NLRP14: variants seen among roughly 807,000 people sequenced by gnomAD.
NLRP14 encodes the protein NACHT, LRR and PYD domains-containing protein 14.
NLRP14 carries 105 observed loss-of-function variants against 94.7 expected under a neutral mutation model. The ratio of observed to expected loss-of-function variants is 1.11; its 90% CI spans 0.95 to 1.30. The LOEUF (loss-of-function observed/expected upper bound fraction) is 1.30. Ranked by LOEUF, NLRP14 falls within the 50% of genes most tolerant of loss-of-function variation. The probability of loss-of-function intolerance (pLI) is 0.00; values close to 1 mark genes in which losing one functional copy is unlikely to be tolerated. For missense variants in NLRP14, 1,362 were observed against 1,254.1 expected, an observed-to-expected ratio of 1.09 and a Z score of -1.30; for synonymous variants, 508 against 459.9, an observed-to-expected ratio of 1.10 and a Z score of -1.34.
At position 7,042,876 on chromosome 11, in the gene NLRP14, C is replaced by T. The variant is rs1852282327; in HGVS notation, c.850C>T (p.Pro284Ser). 4.3e-6 allele frequency: 7 copies of T among 1,614,062 alleles called. No homozygotes were observed. Among genetic ancestry groups the T allele is most frequent in the Non-Finnish European group, 5.9e-6 (7 of 1,179,994 alleles). ...ALCEDWTQEH[P>S]VSFLMSSLLR... ...GTGCGAAGACTGGACCCAAGAACAC[C>T]CAGTGTCCTTCCTCATGAGTAGTTT... Residue 284 changes from proline to serine, a missense_variant, in exon 4 of 12, where the codon CCA becomes TCA. Transcript: ENST00000299481.
chr11:7,043,713 T>C lies in NLRP14; in HGVS notation c.1687T>C (p.Cys563Arg), dbSNP rs1215411548. The C allele has an allele frequency of 1.9e-6, 3 of 1,613,992 alleles. No homozygotes were observed. The highest frequency in any genetic ancestry group is 2.5e-6 in the Non-Finnish European group (3 of 1,180,004). The change falls in exon 4 of 12, where the codon TGT (cysteine) becomes CGT (arginine). Residue 563 changes from cysteine to arginine, a missense_variant. Physicochemically the swap from Cys to Arg is radical, Grantham distance 180. Transcript: ENST00000299481. ...SLKIKSKLLQ[C>R]MEVLGNSDYS... is the part of the protein sequence containing the mutation. ...GAAGATAAAATCAAAGTTACTTCAG[T>C]GTATGGAAGTATTAGGAAACAGTGA...
At chr11:7,041,684 A>G (rs1166272395) in intron 3 of NLRP14, among the ~76,000 whole-genome samples, 1 of 152,194 alleles carries the variant, frequency 6.6e-6, no homozygotes, top group Non-Finnish European at 1.5e-5. Context: ...AAATAAAGTA[A>G]TTGTAGCTAG....
At chr11:7,089,696 C>T in the NLRP14 span, 4 of 1,516,522 alleles carry the variant, frequency 2.6e-6, no homozygotes, top group South Asian at 1.2e-5. Flanking sequence ...GCTACTCAGG[C>T]CCACCGCGCC....
chr11:7,058,339 G>A lies in NLRP14; in HGVS notation c.2522G>A (p.Ser841Asn), dbSNP rs767778872. The A allele has an allele frequency of 8.1e-6, 13 of 1,612,620 alleles. No individual in the cohort carries two copies. In the South Asian group the frequency reaches 1.3e-4, roughly 16 times the overall value. Reference protein sequence around the residue: ...GCEYLSLALISNKRLTHLCLA... With the variant: ...GCEYLSLALINNKRLTHLCLA... ...GAGTATCTTTCTTTGGCTCTCATCA[G>A]CAATAAAAGACTGACACATTTGTGC... The change falls in exon 8 of 12, where the codon AGC (serine) becomes AAC (asparagine). Residue 841 changes from serine to asparagine, a missense_variant. Coordinates refer to ENST00000299481, the MANE Select transcript of NLRP14 (RefSeq NM_176822.4).
At chr11:7,067,744 T>C (rs1001232264) in intron 10 of NLRP14, among the ~76,000 whole-genome samples, 2 of 152,214 alleles carry the variant, frequency 1.3e-5, no homozygotes, top group African/African-American at 2.4e-5. Flanking sequence ...ATTTTGTTCA[T>C]AATGGAGATA....
chr11:7,090,656 C>T, the NLRP14 span: 3 of 335,910 alleles, frequency 8.9e-6, no homozygotes, highest in South Asian at 9.0e-5. Flanking sequence ...CATCTGCTCA[C>T]CTAAAATGGA....
At chr11:7,025,340 G>A (rs1851999787) in intron 1 of NLRP14, among the ~76,000 whole-genome samples, 1 of 152,104 alleles carries the variant, frequency 6.6e-6, no homozygotes, top group Non-Finnish European at 1.5e-5. Context: ...CTAATGTAGT[G>A]AAATAAATGT....
intron 1 of NLRP14, among the ~76,000 whole-genome samples, chr11:7,038,044 T>C (rs1852185976): frequency 6.6e-6 from 1 of 152,202 alleles, no homozygotes; most frequent in Non-Finnish European, 1.5e-5. Context: ...TGGCATATTC[T>C]AATTGCATGT....
the NLRP14 span, among the ~76,000 whole-genome samples, chr11:7,083,032 A>G: frequency 4.6e-5 from 7 of 152,228 alleles, no homozygotes; most frequent in Non-Finnish European, 8.8e-5. Context: ...ACCATGAAGT[A>G]GGAAAAACAA....
chr11:7,087,624 A>C, the NLRP14 span, among the ~76,000 whole-genome samples: 16 of 152,232 alleles, frequency 1.1e-4, no homozygotes, highest in Admixed American at 3.3e-4. Context: ...GTAAATTTAT[A>C]AACTTAGCAT....
At chr11:7,032,896 C>CA (rs1852117157) in intron 1 of NLRP14, among the ~76,000 whole-genome samples, 1 of 152,176 alleles carries the variant, frequency 6.6e-6, no homozygotes. Flanking sequence ...ACCAAGTGTT[C>CA]ACTCATGTAA....
intron 2 of NLRP14, 80 bp from the exon 3 acceptor site, chr11:7,039,634 A>T: frequency 8.9e-7 from 1 of 1,124,616 alleles, no homozygotes; most frequent in Non-Finnish European, 1.4e-6. Context: ...ACTTATGTGA[A>T]TGCTGGCCTC....
chr11:7,062,534 A>G (rs750600493), intron 10 of NLRP14, 31 bp downstream of exon 10: 1 of 1,593,264 alleles, frequency 6.3e-7, no homozygotes, highest in South Asian at 1.1e-5. Context: ...TAGGAAAATG[A>G]TGCCTATTTG....
At position 7,043,591 on chromosome 11, in the gene NLRP14, AC is replaced by A. The variant is rs770654917; in HGVS notation, c.1570del (p.His524IlefsTer2). 5 of 1,613,862 alleles carry A rather than the reference AC, an allele frequency of 3.1e-6. No homozygotes were observed. In the African/African-American group the frequency reaches 5.3e-5, roughly 17 times the overall value. On this transcript the variant is annotated frameshift_variant, in exon 4 of 12. Transcript: ENST00000299481. LOFTEE classifies it high-confidence loss of function. ...TTACTTCAAAGCACAAGTTATAAAG[AC>A]CCCCATTTGACACAGATGAAGTGCT... ...KSLLQSTSYK[D>X]PHLTQMKCFL...
the NLRP14 span, chr11:7,090,634 A>G: frequency 2.7e-6 from 1 of 371,958 alleles, no homozygotes; most frequent in African/African-American, 2.1e-5. Context: ...CAGTTCTAAG[A>G]TCTTTGATAA....
the NLRP14 span, among the ~76,000 whole-genome samples, chr11:7,087,132 G>A: frequency 1.3e-5 from 2 of 152,168 alleles, no homozygotes; most frequent in African/African-American, 4.8e-5. Context: ...AGGAGCCAAA[G>A]CTCATTCTTT....
the NLRP14 span, among the ~76,000 whole-genome samples, chr11:7,087,209 C>T: frequency 1.3e-5 from 2 of 152,242 alleles, no homozygotes; most frequent in Non-Finnish European, 2.9e-5. Context: ...CTACCTATGA[C>T]CTGTAAGCCC....
chr11:7,090,415 A>G, the NLRP14 span: 1 of 1,298,218 alleles, frequency 7.7e-7, no homozygotes, highest in East Asian at 2.5e-5. Flanking sequence ...TTACCTTTTA[A>G]GAATTTCCTG....
At chr11:7,090,459 A>C in the NLRP14 span, 2 of 966,682 alleles carry the variant, frequency 2.1e-6, no homozygotes, top group Non-Finnish European at 1.6e-6. Context: ...CTTTTGGGAG[A>C]AAAAACTTAA....
Sources: gnomAD v4.1 joint callset for allele counts (sites outside exome capture counted in the v4.1 genomes callset) on GRCh38, gnomAD v4.1.1 for gene constraint, MANE v1.5 for transcripts, NCBI Gene and HGNC (gene_info 2026-07-23, HGNC 2026-07-21) for gene names.